Variants in CNTNAP2 observed in about 807,000 individuals in gnomAD.
CNTNAP2 encodes contactin associated protein 2.
In CNTNAP2, 98 loss-of-function variants were observed where a neutral mutation model predicts 155.2. That is an observed-to-expected ratio of 0.63 (90% CI 0.54 to 0.75). CNTNAP2 has a LOEUF of 0.75. CNTNAP2 is among the 30% of genes least tolerant of loss of function. The pLI is 0.00. For synonymous variants in CNTNAP2, 651 were observed against 631.2 expected, an observed-to-expected ratio of 1.03 and a Z score of -0.47; for missense variants, 1,727 against 1,688.1, an observed-to-expected ratio of 1.02 and a Z score of -0.40.
intron 13 of CNTNAP2, among the ~76,000 whole-genome samples, chr7:147,755,153 G>A (rs544604490): frequency 3.9e-5 from 6 of 152,292 alleles, no homozygotes; most frequent in African/African-American, 1.2e-4. Flanking sequence ...TGCTAACTTG[G>A]ATGGTGACAG....
At chr7:147,820,924 C>T (rs182800898) in intron 13 of CNTNAP2, among the ~76,000 whole-genome samples, 7 of 152,154 alleles carry the variant, frequency 4.6e-5, no homozygotes, top group African/African-American at 1.7e-4. Flanking sequence ...TTATGGTAAG[C>T]TCTTTAGGTA....
intron 10 of CNTNAP2, among the ~76,000 whole-genome samples, chr7:147,411,624 C>A (rs1262563062): frequency 6.6e-6 from 1 of 152,124 alleles, no homozygotes; most frequent in African/African-American, 2.4e-5. Flanking sequence ...GCTAGAACTC[C>A]AGAAATTTCA....
intron 13 of CNTNAP2, among the ~76,000 whole-genome samples, chr7:147,678,668 G>A (rs1165822765): frequency 6.6e-6 from 1 of 151,814 alleles, no homozygotes; most frequent in African/African-American, 2.4e-5. Flanking sequence ...ATTATAATTT[G>A]CATTTTAATT....
At chr7:146,917,391 C>T (rs949435754) in intron 3 of CNTNAP2, among the ~76,000 whole-genome samples, 3 of 152,122 alleles carry the variant, frequency 2.0e-5, no homozygotes, top group Non-Finnish European at 4.4e-5. Flanking sequence ...CTGTCCAGTG[C>T]TGTCAGTGGA....
At chr7:148,154,206 G>A (rs563282031) in intron 17 of CNTNAP2, among the ~76,000 whole-genome samples, 7 of 152,344 alleles carry the variant, frequency 4.6e-5, no homozygotes, top group Admixed American at 2.0e-4. Context: ...GAGACTCAGT[G>A]GAAGGCACGC....
At chr7:147,757,164 A>G (rs1797223626) in intron 13 of CNTNAP2, among the ~76,000 whole-genome samples, 1 of 152,152 alleles carries the variant, frequency 6.6e-6, no homozygotes, top group Non-Finnish European at 1.5e-5. Flanking sequence ...CTGCCAAGGG[A>G]CTTGTAATGA....
chr7:146,836,035 C>T (rs1040301688), intron 2 of CNTNAP2, among the ~76,000 whole-genome samples: 3 of 152,058 alleles, frequency 2.0e-5, no homozygotes, highest in African/African-American at 7.3e-5. Flanking sequence ...AGAGGAATTA[C>T]AGCTAAGTAC....
chr7:146,480,253 C>T (rs1396425285), intron 1 of CNTNAP2, among the ~76,000 whole-genome samples: 7 of 151,760 alleles, frequency 4.6e-5, no homozygotes, highest in Non-Finnish European at 8.8e-5. Context: ...ATTTCTAAAA[C>T]GAAATTGTAA....
intron 5 of CNTNAP2, among the ~76,000 whole-genome samples, chr7:147,117,147 G>A (rs372926587): frequency 3.9e-5 from 6 of 152,186 alleles, no homozygotes; most frequent in South Asian, 4.1e-4. Context: ...CAGACCTCCC[G>A]CCTTGCCTGA....
intron 9 of CNTNAP2, among the ~76,000 whole-genome samples, chr7:147,387,090 C>T (rs1487745623): frequency 6.6e-6 from 1 of 152,076 alleles, no homozygotes; most frequent in East Asian, 1.9e-4. Flanking sequence ...AGGAAAGACC[C>T]ACCCCCATGA....
intron 13 of CNTNAP2, among the ~76,000 whole-genome samples, chr7:147,760,547 A>G (rs1185330391): frequency 6.6e-6 from 1 of 152,232 alleles, no homozygotes; most frequent in African/African-American, 2.4e-5. Context: ...ACAGTTTAGA[A>G]CATTAATAAA....
rs772557174 is a variant in CNTNAP2, at chr7:148,116,137, TAAAA to T, written c.2384-1969_2384-1966del. 2.3e-5 allele frequency among the ~76,000 whole-genome samples: 3 copies of T among 128,230 alleles called. No homozygotes were observed. In the East Asian group the frequency reaches 6.5e-4, roughly 28 times the overall value. The allele number at this position is 128,230 out of a possible 152,430, so 84.1% of individuals were successfully genotyped here. A position where few individuals can be genotyped will look rare whatever the true frequency, so the allele number is the denominator to read the frequency against. Reference sequence around the variant, plus strand: ...CTGGGCCACAGAGCGAGACTCTGTCTAAAAAAAAAAAAAAAGAAGAAGCTTAAGA... The same window carrying T: ...CTGGGCCACAGAGCGAGACTCTGTCTAAAAAAAAAAAGAAGAAGCTTAAGA... On this transcript the variant is annotated intron_variant, in intron 15 of 23. Coordinates refer to ENST00000361727, the MANE Select transcript of CNTNAP2 (RefSeq NM_014141.6).
intron 15 of CNTNAP2, among the ~76,000 whole-genome samples, chr7:148,011,346 C>T (rs544266852): frequency 1.3e-5 from 2 of 152,208 alleles, no homozygotes; most frequent in African/African-American, 4.8e-5. Context: ...CATCATTATT[C>T]TAGAATTTCC....
Position 147,387,901 on chromosome 7 carries a change from TTGATATGCCTTGCC to T in CNTNAP2, c.1499-7704_1499-7691del, listed in dbSNP as rs773076720. Among the ~76,000 whole-genome samples the T allele has an allele frequency of 2.8e-4, 42 of 152,334 alleles. 1 individual carries two copies. Among genetic ancestry groups the T allele is most frequent in the South Asian group, 1.0e-3 (5 of 4,830 alleles). ...TTTCACCCACTTATTTGAGCACCTA[TTGATATGCCTTGCC>T]TGAATTAATTATTAACATGATGGTT... On this transcript the variant is annotated intron_variant, in intron 9 of 23. Transcript: ENST00000361727.
intron 13 of CNTNAP2, among the ~76,000 whole-genome samples, chr7:147,674,099 G>A (rs956602308): frequency 2.0e-5 from 3 of 151,878 alleles, no homozygotes; most frequent in Non-Finnish European, 4.4e-5. Flanking sequence ...TAATTCTGGA[G>A]GAAATTTCAA....
At chr7:146,517,164 C>A (rs1797553625) in intron 1 of CNTNAP2, among the ~76,000 whole-genome samples, 1 of 151,942 alleles carries the variant, frequency 6.6e-6, no homozygotes, top group Non-Finnish European at 1.5e-5. Flanking sequence ...GTACAGGCCA[C>A]CTGCCTGTTT....
intron 1 of CNTNAP2, among the ~76,000 whole-genome samples, chr7:146,271,227 ACC>A (rs1037437989): frequency 6.6e-6 from 1 of 151,930 alleles, no homozygotes; most frequent in African/African-American, 2.4e-5. Flanking sequence ...TCAAACCTTA[ACC>A]CCTGAAACCA....
chr7:148,129,678 C>A (rs1204232340), intron 16 of CNTNAP2, among the ~76,000 whole-genome samples: 2 of 152,246 alleles, frequency 1.3e-5, no homozygotes, highest in African/African-American at 4.8e-5. Flanking sequence ...TCTAAGCTGA[C>A]TGACCAGAGA....
intron 4 of CNTNAP2, among the ~76,000 whole-genome samples, chr7:147,090,436 T>G (rs1800378223): frequency 6.6e-6 from 1 of 151,942 alleles, no homozygotes; most frequent in Non-Finnish European, 1.5e-5. Flanking sequence ...TATGACATGT[T>G]TTACCTGAAT....
Sources: gnomAD v4.1 joint callset for allele counts (sites outside exome capture counted in the v4.1 genomes callset) on GRCh38, gnomAD v4.1.1 for gene constraint, MANE v1.5 for transcripts, NCBI Gene and HGNC (gene_info 2026-07-23, HGNC 2026-07-21) for gene names.